CHRDL1: variants seen among roughly 807,000 people sequenced by gnomAD.
The protein encoded by CHRDL1 is chordin like 1, also known as chordin-like protein 1.
CHRDL1 carries 19 observed loss-of-function variants against 40.9 expected under a neutral mutation model. The ratio of observed to expected loss-of-function variants is 0.46; its 90% CI spans 0.32 to 0.68. The LOEUF (loss-of-function observed/expected upper bound fraction) is 0.68. Among genes scored for constraint, CHRDL1 ranks in the 30% least tolerant of loss-of-function variants. CHRDL1 has a pLI of 0.03. For missense variants in CHRDL1, 329 were observed against 352.1 expected (o/e 0.93, Z 0.53); for synonymous variants, 136 against 123.4 (o/e 1.10, Z -0.68).
intron 6 of CHRDL1, among the ~76,000 whole-genome samples, chrX:110,707,159 A>C (rs1173804629): frequency 8.9e-6 from 1 of 111,922 alleles, no homozygotes. Flanking sequence ...AAGTGTGCTG[A>C]AATTTGAGAG....
rs1161624270 is a variant in CHRDL1 at position 110,689,580 on chromosome X, C to CTA, written c.779-779_779-778dup. 1.2e-3 allele frequency among the ~76,000 whole-genome samples: 7 copies of CTA among 5,918 alleles called. 1 individual carries two copies. The highest frequency in any genetic ancestry group is 7.6e-3 in the East Asian group (3 of 397). 5.1% of individuals were successfully genotyped at this position (5,918 alleles called of 115,157 possible). On this transcript the variant is annotated intron_variant, in intron 8 of 11. Transcript: ENST00000372042. ...TATATATCTATATATATCTATATAT[C>CTA]TATATATCTATATATCTATATATAT... is the stretch of plus-strand genomic sequence containing the variant.
chrX:110,789,018 G>A (rs1424891291), intron 2 of CHRDL1, among the ~76,000 whole-genome samples: 4 of 111,180 alleles, frequency 3.6e-5, no homozygotes, highest in African/African-American at 6.5e-5. Context: ...ATCTGACTAC[G>A]TAAAATTTTA....
intron 4 of CHRDL1, among the ~76,000 whole-genome samples, chrX:110,725,532 G>A (rs1280528162): frequency 9.2e-6 from 1 of 108,772 alleles, no homozygotes; most frequent in South Asian, 4.0e-4. Flanking sequence ...CTTTTTGTAC[G>A]CCTTCCCTCC....
intron 4 of CHRDL1, among the ~76,000 whole-genome samples, chrX:110,727,575 T>A (rs905797716): frequency 6.3e-5 from 7 of 111,993 alleles, no homozygotes; most frequent in Non-Finnish European, 1.1e-4. Context: ...AAAAAGGATA[T>A]AAATAGACAG....
chrX:110,794,119 A>G (rs1440472073), intron 1 of CHRDL1, among the ~76,000 whole-genome samples: 1 of 111,823 alleles, frequency 8.9e-6, no homozygotes, highest in Admixed American at 9.5e-5. Context: ...AGATCTCCTC[A>G]CTGTTCAATT....
At chrX:110,708,758 G>A (rs1156981245) in intron 6 of CHRDL1, among the ~76,000 whole-genome samples, 1 of 111,463 alleles carries the variant, frequency 9.0e-6, no homozygotes, top group East Asian at 2.8e-4. Flanking sequence ...ACTACGAGCT[G>A]GATGGTACCC....
intron 2 of CHRDL1, among the ~76,000 whole-genome samples, chrX:110,787,155 C>A (rs1300200720): frequency 2.7e-5 from 3 of 111,893 alleles, no homozygotes; most frequent in African/African-American, 9.8e-5. Flanking sequence ...ATAGCAACTA[C>A]TTATGAAAAA....
chrX:110,705,947 A>G (rs2070629593), intron 6 of CHRDL1, among the ~76,000 whole-genome samples: 1 of 110,579 alleles, frequency 9.0e-6, no homozygotes, highest in Non-Finnish European at 1.9e-5. Flanking sequence ...TAAGTCTATT[A>G]AGTAGCTGCT....
At chrX:110,763,538 C>CATATAT (rs750708016) in intron 2 of CHRDL1, among the ~76,000 whole-genome samples, 10 of 98,300 alleles carry the variant, frequency 1.0e-4, no homozygotes, top group Admixed American at 5.6e-4. Flanking sequence ...TCAATAGAAA[C>CATATAT]ATATATATAT....
At chrX:110,682,026 C>T (rs2069909849) in intron 9 of CHRDL1, among the ~76,000 whole-genome samples, 1 of 112,141 alleles carries the variant, frequency 8.9e-6, no homozygotes, top group South Asian at 3.7e-4. Context: ...AATTTCCATA[C>T]AGGGTCAGGA....
At chrX:110,684,388 C>A (rs982798387) in intron 9 of CHRDL1, among the ~76,000 whole-genome samples, 1 of 111,823 alleles carries the variant, frequency 8.9e-6, no homozygotes, top group African/African-American at 3.2e-5. Context: ...TCCTTTTCTT[C>A]TGTGTCATGT....
chrX:110,766,439 G>C (rs1166002390), intron 2 of CHRDL1, among the ~76,000 whole-genome samples: 1 of 111,322 alleles, frequency 9.0e-6, no homozygotes, highest in Non-Finnish European at 1.9e-5. Flanking sequence ...AAATAAAATC[G>C]ATAGACCATT....
intron 2 of CHRDL1, among the ~76,000 whole-genome samples, chrX:110,776,644 G>T (rs1295252857): frequency 9.1e-6 from 1 of 110,397 alleles, no homozygotes; most frequent in Non-Finnish European, 1.9e-5. Flanking sequence ...ATACTTTAAA[G>T]TATTTATGTA....
chrX:110,720,639 A>G (rs952248862), intron 5 of CHRDL1, among the ~76,000 whole-genome samples: 2 of 111,730 alleles, frequency 1.8e-5, no homozygotes, highest in Non-Finnish European at 3.8e-5. Context: ...ATTCTTACTA[A>G]AAGTCCTAAA....
chrX:110,794,029 T>C (rs1364991463), intron 1 of CHRDL1, among the ~76,000 whole-genome samples: 3 of 112,259 alleles, frequency 2.7e-5, no homozygotes, highest in Admixed American at 9.4e-5. Flanking sequence ...TTTATAAATA[T>C]TCACTTTTGA....
At chrX:110,761,633 T>C (rs943827578) in intron 3 of CHRDL1, among the ~76,000 whole-genome samples, 1 of 111,871 alleles carries the variant, frequency 8.9e-6, no homozygotes, top group African/African-American at 3.3e-5. Flanking sequence ...GTGCTCTTGT[T>C]GTCTAATGGG....
intron 6 of CHRDL1, among the ~76,000 whole-genome samples, chrX:110,709,434 C>T (rs187992283): frequency 2.9e-4 from 33 of 112,306 alleles, no homozygotes; most frequent in African/African-American, 1.0e-3. Context: ...CATGCCTGCA[C>T]ATTGAAAAGG....
chrX:110,684,544 T>A (rs1425942756), intron 9 of CHRDL1, among the ~76,000 whole-genome samples: 1 of 112,185 alleles, frequency 8.9e-6, no homozygotes, highest in Admixed American at 9.4e-5. Context: ...TCTCTCTTGA[T>A]CCTGTTTGGT....
Position 110,762,866 on chromosome X carries a change from T to A in CHRDL1, c.95-59A>T. 1.3e-5 allele frequency: 8 copies of A among 634,679 alleles called. No individual in the cohort carries two copies. In the South Asian group the frequency reaches 1.9e-4, roughly 15 times the overall value. 52.3% of individuals were successfully genotyped at this position (634,679 alleles called of 1,213,427 possible). A position where few individuals can be genotyped will look rare whatever the true frequency, so the allele number is the denominator to read the frequency against. On this transcript the variant is annotated intron_variant, in intron 2 of 11. Transcript: ENST00000372042. ...GGAAACATCAACCAAGTCACAAAAT[T>A]CAAAAGCAATCACAAGTTCCATCCA...
Sources: gnomAD v4.1 joint callset for allele counts (sites outside exome capture counted in the v4.1 genomes callset) on GRCh38, gnomAD v4.1.1 for gene constraint, MANE v1.5 for transcripts, NCBI Gene and HGNC (gene_info 2026-07-23, HGNC 2026-07-21) for gene names.